Variants in SNTG1 observed in about 807,000 individuals in gnomAD.
The protein encoded by SNTG1 is gamma-1-syntrophin.
Under a neutral mutation model 74.7 loss-of-function variants are expected in SNTG1, and 39 were observed. The ratio of observed to expected loss-of-function variants is 0.52; its 90% CI spans 0.40 to 0.68. The LOEUF (loss-of-function observed/expected upper bound fraction) is 0.68, where lower values mean the gene tolerates loss of function less well. Among genes scored for constraint, SNTG1 ranks in the 30% least tolerant of loss-of-function variants. The pLI is 0.00. For synonymous variants in SNTG1, 254 were observed against 217.1 expected, an observed-to-expected ratio of 1.17 and a Z score of -1.49; for missense variants, 685 against 609.5, an observed-to-expected ratio of 1.12 and a Z score of -1.30.
chr8:50,704,575 CTG>C (rs2095437055), intron 15 of SNTG1, 23 bp from the exon 16 acceptor site: 1 of 1,613,814 alleles, frequency 6.2e-7, no homozygotes, highest in Non-Finnish European at 8.5e-7. Flanking sequence ...GTGTGCCAGC[CTG>C]TGTAACTCCA....
chr8:50,039,472 A>AC (rs1818448751), intron 1 of SNTG1, among the ~76,000 whole-genome samples: 1 of 150,932 alleles, frequency 6.6e-6, no homozygotes, highest in Non-Finnish European at 1.5e-5. Flanking sequence ...AAAAAAAAAA[A>AC]AAAAAAAAAA....
chr8:50,300,027 A>G (rs1351281359), intron 2 of SNTG1, among the ~76,000 whole-genome samples: 1 of 152,148 alleles, frequency 6.6e-6, no homozygotes, highest in East Asian at 1.9e-4. Context: ...TAGCACTTAT[A>G]ATTGCTGAAT....
intron 11 of SNTG1, among the ~76,000 whole-genome samples, chr8:50,539,960 C>A (rs1381747332): frequency 2.6e-5 from 4 of 152,124 alleles, no homozygotes; most frequent in African/African-American, 9.7e-5. Context: ...TTGCTGTTAG[C>A]CATTCAGATT....
intron 2 of SNTG1, among the ~76,000 whole-genome samples, chr8:50,294,741 C>T (rs1563857639): frequency 1.3e-5 from 2 of 152,156 alleles, no homozygotes; most frequent in African/African-American, 2.4e-5. Context: ...TTACATTCCA[C>T]CAAGTATCTG....
chr8:50,259,232 C>T (rs2087035141), intron 2 of SNTG1, among the ~76,000 whole-genome samples: 1 of 152,068 alleles, frequency 6.6e-6, no homozygotes, highest in African/African-American at 2.4e-5. Flanking sequence ...GTCACAGTGG[C>T]TCACACCTGT....
At chr8:49,960,532 G>T (rs536620682) in intron 1 of SNTG1, among the ~76,000 whole-genome samples, 1 of 151,872 alleles carries the variant, frequency 6.6e-6, no homozygotes, top group Non-Finnish European at 1.5e-5. Context: ...TTGAGTGAAA[G>T]TTACATTACC....
intron 8 of SNTG1, among the ~76,000 whole-genome samples, chr8:50,488,226 T>TG (rs1181070881): frequency 6.6e-6 from 1 of 152,176 alleles, no homozygotes; most frequent in Admixed American, 6.5e-5. Flanking sequence ...AATAGGTTTT[T>TG]TTTAAGAAAT....
intron 15 of SNTG1, among the ~76,000 whole-genome samples, chr8:50,672,342 A>G (rs2095288090): frequency 6.6e-6 from 1 of 152,104 alleles, no homozygotes; most frequent in Admixed American, 6.6e-5. Context: ...TCTCTCCACC[A>G]TCTATTGTTT....
chr8:50,597,822 G>A (rs994334431), intron 13 of SNTG1, among the ~76,000 whole-genome samples: 2 of 151,812 alleles, frequency 1.3e-5, no homozygotes, highest in African/African-American at 4.8e-5. Context: ...GTGATTTTGA[G>A]CATTTTTAAA....
chr8:50,150,026 C>G (rs62516677), intron 1 of SNTG1, among the ~76,000 whole-genome samples: 3 of 151,976 alleles, frequency 2.0e-5, no homozygotes, highest in South Asian at 2.1e-4. Context: ...CTATCCATGA[C>G]CATGGAATGT....
At chr8:50,611,270 C>G (rs915426021) in intron 13 of SNTG1, among the ~76,000 whole-genome samples, 1 of 152,170 alleles carries the variant, frequency 6.6e-6, no homozygotes, top group Non-Finnish European at 1.5e-5. Context: ...TCCTTCTTCC[C>G]TTTGCCTCTG....
intron 10 of SNTG1, among the ~76,000 whole-genome samples, chr8:50,532,403 T>C (rs539152547): frequency 1.3e-5 from 2 of 152,198 alleles, no homozygotes; most frequent in South Asian, 4.1e-4. Context: ...GATCCAGATC[T>C]ATAGACAAAA....
At position 50,542,196 on chromosome 8, in the gene SNTG1, C is replaced by T. The variant is rs566857134; in HGVS notation, c.680+5388C>T. On this transcript the variant is annotated intron_variant, in intron 11 of 18. Coordinates refer to ENST00000642720, the MANE Select transcript of SNTG1 (RefSeq NM_018967.5). ...TTTGAGACGGAGTTTCACTCTTGTT[C>T]CCCAAGCTGGAGTGCAATGGTGTGT... 4.2e-5 allele frequency among the ~76,000 whole-genome samples: 6 copies of T among 142,464 alleles called. No individual in the cohort carries two copies. In the South Asian group the frequency reaches 8.8e-4, roughly 21 times the overall value. 93.5% of individuals were successfully genotyped at this position (142,464 alleles called of 152,430 possible). A position where few individuals can be genotyped will look rare whatever the true frequency, so the allele number is the denominator to read the frequency against.
Position 50,259,518 on chromosome 8 carries a change from AAGAAAGAAAGAAAGAAAGAAAGAAAG to A in SNTG1, c.-28+86885_-28+86910del, listed in dbSNP as rs2087064367. On this transcript the variant is annotated intron_variant, in intron 2 of 18. Coordinates refer to ENST00000642720, the MANE Select transcript of SNTG1 (RefSeq NM_018967.5). ...TGTCTCAAAAAAAAAAAAAGAAAGA[AAGAAAGAAAGAAAGAAAGAAAGAAAG>A]AAAGAAAGAAAGAAAGAAAGAAAGA... 1.1e-3 allele frequency among the ~76,000 whole-genome samples: 10 copies of A among 8,726 alleles called. 3 individuals carry two copies. The highest frequency in any genetic ancestry group is 7.8e-3 in the Admixed American group (2 of 258). The allele number at this position is 8,726 out of a possible 152,430, so 5.7% of individuals were successfully genotyped here.
At chr8:50,541,667 T>G (rs2094348225) in intron 11 of SNTG1, among the ~76,000 whole-genome samples, 1 of 152,268 alleles carries the variant, frequency 6.6e-6, no homozygotes, top group East Asian at 1.9e-4. Flanking sequence ...TGAGAACTAT[T>G]CAAATCCTTC....
chr8:50,692,818 C>G (rs1486172116), intron 15 of SNTG1, among the ~76,000 whole-genome samples: 1 of 152,216 alleles, frequency 6.6e-6, no homozygotes, highest in African/African-American at 2.4e-5. Flanking sequence ...TTACTGCTGT[C>G]TTTTTGTTTG....
chr8:50,625,365 G>T (rs2094949667), intron 13 of SNTG1, among the ~76,000 whole-genome samples: 1 of 152,194 alleles, frequency 6.6e-6, no homozygotes, highest in African/African-American at 2.4e-5. Flanking sequence ...TGTATTTAAT[G>T]AACGTTGTGA....
chr8:50,713,586 G>A (rs574734711), intron 17 of SNTG1, among the ~76,000 whole-genome samples: 11 of 152,228 alleles, frequency 7.2e-5, no homozygotes, highest in South Asian at 4.1e-4. Flanking sequence ...CCATGTCTGC[G>A]TCCTGGATGG....
intron 1 of SNTG1, among the ~76,000 whole-genome samples, chr8:49,974,943 A>C (rs1258792562): frequency 6.6e-6 from 1 of 152,072 alleles, no homozygotes; most frequent in Non-Finnish European, 1.5e-5. Flanking sequence ...CTAACATTCC[A>C]ATTGCGGAGT....
Sources: gnomAD v4.1 joint callset for allele counts (sites outside exome capture counted in the v4.1 genomes callset) on GRCh38, gnomAD v4.1.1 for gene constraint, MANE v1.5 for transcripts, NCBI Gene and HGNC (gene_info 2026-07-23, HGNC 2026-07-21) for gene names.